The following TDRP variants were observed in gnomAD, a reference collection of about 807,000 sequenced individuals.
TDRP encodes testis development-related protein.
Under a neutral mutation model 10.5 loss-of-function variants are expected in TDRP, and 12 were observed. That is an observed-to-expected ratio of 1.15 (90% CI 0.73 to 1.86). The LOEUF is 1.86. Ranked by LOEUF, TDRP falls within the 40% of genes most tolerant of loss-of-function variation. The pLI, the probability that TDRP is intolerant of heterozygous loss-of-function variation, is 0.00. For synonymous variants in TDRP, 139 were observed against 95.4 expected, an observed-to-expected ratio of 1.46 and a Z score of -2.67; for missense variants, 353 against 229.2, an observed-to-expected ratio of 1.54 and a Z score of -3.49.
intron 1 of TDRP, among the ~76,000 whole-genome samples, chr8:541,062 C>A (rs1254420672): frequency 6.6e-6 from 1 of 152,162 alleles, no homozygotes; most frequent in Non-Finnish European, 1.5e-5. Flanking sequence ...CTACTTCTCT[C>A]AACTTTAAAA....
intron 1 of TDRP, among the ~76,000 whole-genome samples, chr8:530,908 C>T (rs1802174152): frequency 6.6e-6 from 1 of 152,180 alleles, no homozygotes; most frequent in Non-Finnish European, 1.5e-5. Flanking sequence ...GCTGTCCCGA[C>T]CTCCATCCGC....
At chr8:537,004 G>C (rs1802364235) in intron 1 of TDRP, among the ~76,000 whole-genome samples, 2 of 152,144 alleles carry the variant, frequency 1.3e-5, no homozygotes, top group Admixed American at 1.3e-4. Context: ...GTTTACCCAA[G>C]AAAGAATCTG....
chr8:500,653 A>G (rs2116734574), intron 1 of TDRP, among the ~76,000 whole-genome samples: 1 of 152,360 alleles, frequency 6.6e-6, no homozygotes, highest in African/African-American at 2.4e-5. Context: ...GTAAAATTCA[A>G]GCATTAAGTT....
intron 1 of TDRP, among the ~76,000 whole-genome samples, chr8:544,383 C>A (rs1802580120): frequency 6.6e-6 from 1 of 152,098 alleles, no homozygotes; most frequent in Non-Finnish European, 1.5e-5. Flanking sequence ...GCGGCGAGAA[C>A]GCCGGCAGCC....
At chr8:513,644 T>C (rs1327417391) in intron 1 of TDRP, among the ~76,000 whole-genome samples, 1 of 152,168 alleles carries the variant, frequency 6.6e-6, no homozygotes, top group Non-Finnish European at 1.5e-5. Flanking sequence ...CCGTGCAGAT[T>C]TCAGCCACAG....
chr8:532,599 C>T (rs1049809413), intron 1 of TDRP, among the ~76,000 whole-genome samples: 15 of 152,226 alleles, frequency 9.9e-5, no homozygotes, highest in African/African-American at 3.4e-4. Context: ...CAAATGCACA[C>T]TTGCTAATAC....
intron 1 of TDRP, among the ~76,000 whole-genome samples, chr8:514,578 A>G (rs1311313466): frequency 6.6e-6 from 1 of 152,120 alleles, no homozygotes; most frequent in South Asian, 2.1e-4. Flanking sequence ...ACATGACCTT[A>G]GCTCTGTGTA....
intron 1 of TDRP, among the ~76,000 whole-genome samples, chr8:525,551 G>A (rs570420193): frequency 3.3e-5 from 5 of 152,088 alleles, no homozygotes; most frequent in Admixed American, 1.3e-4. Context: ...AAATCAGGGG[G>A]ATGAAGTGGA....
At chr8:539,215 G>C (rs1457100484) in intron 1 of TDRP, among the ~76,000 whole-genome samples, 1 of 152,202 alleles carries the variant, frequency 6.6e-6, no homozygotes, top group Non-Finnish European at 1.5e-5. Context: ...ATCAGGGTGA[G>C]ATGGGAGTCA....
chr8:538,766 C>T (rs1802414527), intron 1 of TDRP, among the ~76,000 whole-genome samples: 1 of 152,148 alleles, frequency 6.6e-6, no homozygotes, highest in African/African-American at 2.4e-5. Context: ...ATCTAAGAAG[C>T]TATTGAATAT....
intron 1 of TDRP, among the ~76,000 whole-genome samples, chr8:527,319 T>A (rs552567342): frequency 6.6e-6 from 1 of 152,162 alleles, no homozygotes; most frequent in African/African-American, 2.4e-5. Context: ...AGAGTCACTA[T>A]TGTTAAAATA....
intron 1 of TDRP, among the ~76,000 whole-genome samples, chr8:525,320 T>C (rs1802007860): frequency 1.3e-5 from 2 of 152,330 alleles, no homozygotes; most frequent in South Asian, 4.1e-4. Context: ...AAGGGAATTC[T>C]TCAATTTGAA....
At chr8:519,907 C>T (rs755024162) in intron 1 of TDRP, among the ~76,000 whole-genome samples, 1 of 152,096 alleles carries the variant, frequency 6.6e-6, no homozygotes, top group South Asian at 2.1e-4. Context: ...AGCATCTGGC[C>T]CCTGAAGCTT....
intron 1 of TDRP, among the ~76,000 whole-genome samples, chr8:509,962 G>C (rs191302505): frequency 1.3e-5 from 2 of 152,182 alleles, no homozygotes; most frequent in African/African-American, 4.8e-5. Context: ...GGAGGTTGCA[G>C]TGAGCCAAGA....
intron 1 of TDRP, among the ~76,000 whole-genome samples, chr8:518,846 A>G (rs1177969003): frequency 6.6e-6 from 1 of 152,220 alleles, no homozygotes; most frequent in Non-Finnish European, 1.5e-5. Context: ...TTAACAAATC[A>G]AATACTGGAG....
chr8:523,662 A>ACTCTC (rs1474713159), intron 1 of TDRP, among the ~76,000 whole-genome samples: 1 of 151,774 alleles, frequency 6.6e-6, no homozygotes, highest in Non-Finnish European at 1.5e-5. Flanking sequence ...GCCTGGCAAT[A>ACTCTC]CTCTCCGAGG....
intron 1 of TDRP, among the ~76,000 whole-genome samples, chr8:523,755 G>C (rs1801966654): frequency 6.6e-6 from 1 of 152,126 alleles, no homozygotes; most frequent in African/African-American, 2.4e-5. Context: ...TTGTCTAGTG[G>C]CTGGAGTGCC....
rs529065380 is a variant in TDRP, at chr8:506,043, C to G, written c.109-11446G>C. ...TGGGGGTCTGGGTGTCCTCTTTCTC[C>G]TCACCCATTCAGCCATGGCCGCTTT... On this transcript the variant is annotated intron_variant, in intron 1 of 2. Coordinates refer to ENST00000324079, the MANE Select transcript of TDRP (RefSeq NM_001384899.1). Among the ~76,000 whole-genome samples the G allele has an allele frequency of 5.0e-4, 76 of 152,124 alleles. 2 individuals carry two copies. The highest frequency in any genetic ancestry group is 2.1e-3 in the Admixed American group (32 of 15,270).
Position 492,753 on chromosome 8 carries a change from G to C in TDRP, c.213-9C>G. 1 of 1,582,198 alleles carries C rather than the reference G, an allele frequency of 6.3e-7. No individual in the cohort carries two copies. The highest frequency in any genetic ancestry group is 8.6e-7 in the Non-Finnish European group (1 of 1,161,978). ...TTAATCGTAAGTTAGTTCTATAGGA[G>C]ATGAAAGAGTTAGGTGTTGGTGACC... On this transcript the variant is annotated splice_polypyrimidine_tract_variant and intron_variant, in intron 2 of 2. Transcript: ENST00000324079.
Sources: gnomAD v4.1 joint callset for allele counts (sites outside exome capture counted in the v4.1 genomes callset) on GRCh38, gnomAD v4.1.1 for gene constraint, MANE v1.5 for transcripts, NCBI Gene and HGNC (gene_info 2026-07-23, HGNC 2026-07-21) for gene names.